GRIK3: variants seen among roughly 807,000 people sequenced by gnomAD.
GRIK3 encodes the protein glutamate ionotropic receptor kainate type subunit 3.
In GRIK3, 29 loss-of-function variants were observed where a neutral mutation model predicts 102.5. That is an observed-to-expected ratio of 0.28 (90% CI 0.21 to 0.39). The LOEUF (loss-of-function observed/expected upper bound fraction) is 0.39, where lower values mean the gene tolerates loss of function less well. GRIK3 is among the 10% of genes least tolerant of loss of function. GRIK3 has a pLI of 1.00. For synonymous variants in GRIK3, 511 were observed against 504.9 expected (o/e 1.01, Z -0.16); for missense variants, 908 against 1,252.4 (o/e 0.73, Z 4.15).
At chr1:36,945,785 C>T (rs183369785) in intron 1 of GRIK3, among the ~76,000 whole-genome samples, 30 of 152,310 alleles carry the variant, frequency 2.0e-4, no homozygotes, top group Middle Eastern at 3.4e-3. Context: ...AGAGAGATTA[C>T]GTGACTTTCC....
In GRIK3 at chr1:36,859,837, G is replaced by A. The variant is rs767069926; in HGVS notation, c.960+7C>T. 10 of 1,610,754 alleles carry A rather than the reference G, an allele frequency of 6.2e-6. No homozygotes were observed. The highest frequency in any genetic ancestry group is 1.7e-4 in the Middle Eastern group (1 of 5,896). ...CCCCTGGAATTCACCTCACCCAGCC[G>A]CCTTACCATCATCACTCCATCCAGC... On this transcript the variant is annotated splice_region_variant and intron_variant, in intron 6 of 15. Transcript: ENST00000373091.
At position 36,870,633 on chromosome 1, in the gene GRIK3, C is replaced by A. The variant is rs77262142; in HGVS notation, c.733-832G>T. Reference sequence around the variant, plus strand: ...TGCAAGAAGCTAATTGGCTTAACTTCATTTAAATCTGGCTTTGGCTCAGCT... The same window carrying A: ...TGCAAGAAGCTAATTGGCTTAACTTAATTTAAATCTGGCTTTGGCTCAGCT... On this transcript the variant is annotated intron_variant, in intron 4 of 15. Coordinates refer to ENST00000373091, the MANE Select transcript of GRIK3 (RefSeq NM_000831.4). 3.4e-3 allele frequency among the ~76,000 whole-genome samples: 519 copies of A among 152,294 alleles called. 14 individuals are homozygous for A. In the East Asian group the frequency reaches 0.069, roughly 20 times the overall value.
At chr1:37,024,099 T>A (rs1368800399) in intron 1 of GRIK3, among the ~76,000 whole-genome samples, 1 of 152,192 alleles carries the variant, frequency 6.6e-6, no homozygotes, top group Non-Finnish European at 1.5e-5. Context: ...GAATGGCTGC[T>A]AAAAAGCCTG....
intron 1 of GRIK3, among the ~76,000 whole-genome samples, chr1:36,893,418 C>T (rs1025070684): frequency 1.2e-4 from 18 of 152,252 alleles, no homozygotes; most frequent in African/African-American, 4.3e-4. Flanking sequence ...TACAAAGGGG[C>T]TATTAATGTA....
At chr1:36,969,967 A>T (rs1270509259) in intron 1 of GRIK3, among the ~76,000 whole-genome samples, 1 of 152,254 alleles carries the variant, frequency 6.6e-6, no homozygotes, top group East Asian at 1.9e-4. Flanking sequence ...AGGGGAAAAA[A>T]TATATAACAT....
At chr1:36,863,407 A>G (rs534905457) in intron 5 of GRIK3, among the ~76,000 whole-genome samples, 1 of 152,288 alleles carries the variant, frequency 6.6e-6, no homozygotes, top group South Asian at 2.1e-4. Context: ...TCTTTTCAGA[A>G]TATGGTACAA....
At chr1:36,892,401 C>T (rs1156519543) in intron 1 of GRIK3, among the ~76,000 whole-genome samples, 3 of 150,426 alleles carry the variant, frequency 2.0e-5, no homozygotes, top group East Asian at 3.9e-4. Context: ...TTCCAGAGGC[C>T]GAGGCAGGAA....
At chr1:36,829,684 T>G (rs1642794531) in intron 10 of GRIK3, among the ~76,000 whole-genome samples, 1 of 152,198 alleles carries the variant, frequency 6.6e-6, no homozygotes, top group African/African-American at 2.4e-5. Flanking sequence ...GGGACCCTCC[T>G]GGCTTCTCCT....
chr1:36,923,122 G>C (rs755568866), intron 1 of GRIK3, among the ~76,000 whole-genome samples: 1 of 152,236 alleles, frequency 6.6e-6, no homozygotes, highest in Non-Finnish European at 1.5e-5. Context: ...CAGATGGGCA[G>C]TCGAGTGGCA....
chr1:36,862,886 G>A (rs1248225445), intron 5 of GRIK3, among the ~76,000 whole-genome samples: 5 of 152,150 alleles, frequency 3.3e-5, no homozygotes, highest in Admixed American at 2.6e-4. Context: ...GTTCTGCCTC[G>A]TCTGGCAGGA....
chr1:36,929,772 T>C (rs1016226539), intron 1 of GRIK3, among the ~76,000 whole-genome samples: 7 of 152,250 alleles, frequency 4.6e-5, no homozygotes, highest in Non-Finnish European at 7.3e-5. Context: ...AAAACAACAA[T>C]AAACATTATC....
intron 9 of GRIK3, among the ~76,000 whole-genome samples, chr1:36,845,756 C>G (rs1194561908): frequency 6.6e-6 from 1 of 152,212 alleles, no homozygotes; most frequent in Non-Finnish European, 1.5e-5. Context: ...CAGTTAGAAC[C>G]AGCACACAGT....
At chr1:36,911,433 G>A (rs1641344411) in intron 1 of GRIK3, among the ~76,000 whole-genome samples, 1 of 152,174 alleles carries the variant, frequency 6.6e-6, no homozygotes, top group African/African-American at 2.4e-5. Context: ...ATCACCTAAA[G>A]CACATTGTAT....
intron 1 of GRIK3, among the ~76,000 whole-genome samples, chr1:37,019,826 A>T (rs987713822): frequency 6.6e-6 from 1 of 152,182 alleles, no homozygotes; most frequent in Admixed American, 6.5e-5. Context: ...AAAAGCCCCA[A>T]ATCCCCTCAT....
intron 10 of GRIK3, among the ~76,000 whole-genome samples, chr1:36,837,942 C>G (rs1640400790): frequency 6.6e-6 from 1 of 152,242 alleles, no homozygotes; most frequent in South Asian, 2.1e-4. Context: ...CTCCTCGAGG[C>G]TCCCTGTTTG....
chr1:36,806,068 C>T lies in GRIK3; in HGVS notation c.2314+36G>A, dbSNP rs1254912838. ...GGGGGTGGAGCCCTCCCTCTGCCCA[C>T]ACACCCACCCCTCCCACAGGCAGCC... On this transcript the variant is annotated intron_variant, in intron 14 of 15. Transcript: ENST00000373091. This position sits in a 1 kb window ranked among gnomAD's most constrained non-coding sequence, Gnocchi z 4.0. 2.7e-6 allele frequency: 4 copies of T among 1,488,936 alleles called. No individual in the cohort carries two copies. Among genetic ancestry groups the T allele is most frequent in the African/African-American group, 1.4e-5 (1 of 72,646 alleles). The allele number at this position is 1,488,936 out of a possible 1,614,324, so 92.2% of individuals were successfully genotyped here.
chr1:37,019,107 A>G (rs142935029), intron 1 of GRIK3, among the ~76,000 whole-genome samples: 76 of 152,324 alleles, frequency 5.0e-4, no homozygotes, highest in African/African-American at 1.7e-3. Context: ...GAGGAGACAG[A>G]CTATGTCCCT....
intron 1 of GRIK3, among the ~76,000 whole-genome samples, chr1:37,020,604 A>G (rs1484244848): frequency 6.6e-6 from 1 of 152,192 alleles, no homozygotes; most frequent in Non-Finnish European, 1.5e-5. Context: ...CGTACAAGGC[A>G]CCAAAGGTTA....
At chr1:36,927,508 C>T (rs1641540292) in intron 1 of GRIK3, among the ~76,000 whole-genome samples, 1 of 152,096 alleles carries the variant, frequency 6.6e-6, no homozygotes, top group African/African-American at 2.4e-5. Flanking sequence ...TCCTAGTTTG[C>T]AAAATGAACA....
Sources: allele counts gnomAD v4.1 joint callset (sites outside exome capture counted in the v4.1 genomes callset), GRCh38; gene constraint gnomAD v4.1.1; non-coding constraint Gnocchi (gnomAD v3.1); transcripts MANE v1.5; gene names NCBI Gene and HGNC (gene_info 2026-07-23, HGNC 2026-07-21).